The following SPECC1 variants were observed in gnomAD, a reference collection of about 807,000 sequenced individuals.
The protein encoded by SPECC1 is sperm antigen with calponin homology and coiled-coil domains 1.
Under a neutral mutation model 104.1 loss-of-function variants are expected in SPECC1, and 62 were observed. That is an observed-to-expected ratio of 0.60 (90% CI 0.49 to 0.74). The LOEUF (loss-of-function observed/expected upper bound fraction) is 0.74. Among genes scored for constraint, SPECC1 ranks in the 30% least tolerant of loss-of-function variants. The pLI, the probability that SPECC1 is intolerant of heterozygous loss-of-function variation, is 0.00. For synonymous variants in SPECC1, 513 were observed against 501.6 expected (o/e 1.02, Z -0.30); for missense variants, 1,306 against 1,310.5 (o/e 1.00, Z 0.05).
chr17:20,199,028 G>C (rs896273786), intron 3 of SPECC1, among the ~76,000 whole-genome samples: 21 of 144,450 alleles, frequency 1.5e-4, no homozygotes, highest in Admixed American at 3.5e-4. Context: ...CTTTTGCTTT[G>C]TTGCCTTCTA....
At chr17:20,172,355 C>T (rs1597877763) in intron 3 of SPECC1, among the ~76,000 whole-genome samples, 1 of 152,204 alleles carries the variant, frequency 6.6e-6, no homozygotes. Flanking sequence ...TCAGTTTACT[C>T]CTGTTATTTT....
intron 1 of SPECC1, among the ~76,000 whole-genome samples, chr17:20,053,279 T>C (rs1298703860): frequency 6.6e-6 from 1 of 152,238 alleles, no homozygotes; most frequent in Non-Finnish European, 1.5e-5. Context: ...AATTCTGTGA[T>C]CTTCCTCTAT....
In SPECC1 at chr17:20,302,881, A is replaced by T. The variant is rs1286949124; in HGVS notation, c.3058-3142A>T. On this transcript the variant is annotated intron_variant, in intron 13 of 14. Transcript: ENST00000395527. ...AGGCTGCAGTAGTGAGCCCATCTAA[A>T]AAAAAAAAAAAAAAAAAAAAAAGAG... Among the ~76,000 whole-genome samples the T allele has an allele frequency of 2.1e-5, 3 of 140,866 alleles. No individual in the cohort carries two copies. The East Asian group carries it at 6.3e-4, about 29-fold the overall frequency. 92.4% of individuals were successfully genotyped at this position (140,866 alleles called of 152,430 possible).
intron 7 of SPECC1, chr17:20,238,051 G>A: frequency 9.8e-7 from 1 of 1,022,878 alleles, no homozygotes; most frequent in Non-Finnish European, 1.2e-6. Flanking sequence ...CCCTTCTGTG[G>A]GGTCTTGATT....
chr17:20,219,939 T>C (rs1285234862), intron 4 of SPECC1, among the ~76,000 whole-genome samples: 4 of 152,220 alleles, frequency 2.6e-5, no homozygotes, highest in African/African-American at 9.6e-5. Context: ...AGACTGTCTT[T>C]TCCTCAATAT....
chr17:20,183,903 G>A (rs1248836552), intron 3 of SPECC1, among the ~76,000 whole-genome samples: 2 of 151,896 alleles, frequency 1.3e-5, no homozygotes, highest in African/African-American at 4.8e-5. Flanking sequence ...GGGCGTGGTG[G>A]CTCACGCTTA....
intron 14 of SPECC1, among the ~76,000 whole-genome samples, chr17:20,309,226 G>T (rs2041860104): frequency 6.6e-6 from 1 of 152,114 alleles, no homozygotes; most frequent in South Asian, 2.1e-4. Flanking sequence ...CCAGTATGTT[G>T]AATTACACAT....
chr17:20,063,489 A>C (rs977929645), intron 1 of SPECC1, among the ~76,000 whole-genome samples: 4 of 152,162 alleles, frequency 2.6e-5, no homozygotes, highest in African/African-American at 9.7e-5. Flanking sequence ...TCATTTTATT[A>C]ATCTTCAAGG....
chr17:20,169,267 A>G (rs2033902140), intron 3 of SPECC1, among the ~76,000 whole-genome samples: 1 of 152,190 alleles, frequency 6.6e-6, no homozygotes, highest in African/African-American at 2.4e-5. Context: ...GGAGCTATAA[A>G]CTATCTACTC....
intron 1 of SPECC1, among the ~76,000 whole-genome samples, chr17:20,053,431 T>C (rs944462729): frequency 6.6e-6 from 1 of 152,208 alleles, no homozygotes; most frequent in Non-Finnish European, 1.5e-5. Flanking sequence ...CCACAAATTC[T>C]TTGACACTTC....
intron 12 of SPECC1, among the ~76,000 whole-genome samples, chr17:20,269,926 C>T (rs1012745263): frequency 6.6e-6 from 1 of 152,132 alleles, no homozygotes; most frequent in African/African-American, 2.4e-5. Context: ...TTTATTGAGC[C>T]TTAAAAAGGA....
chr17:20,155,026 G>C (rs984201564), intron 3 of SPECC1, among the ~76,000 whole-genome samples: 3 of 152,186 alleles, frequency 2.0e-5, no homozygotes, highest in Admixed American at 6.5e-5. Flanking sequence ...AAATGAGTCT[G>C]GAGTTAGAAG....
intron 3 of SPECC1, among the ~76,000 whole-genome samples, chr17:20,135,370 A>G (rs2049863482): frequency 6.6e-6 from 1 of 152,196 alleles, no homozygotes; most frequent in Admixed American, 6.5e-5. Context: ...TCAATCCCAA[A>G]AGGCAGCCCC....
chr17:20,161,171 A>G (rs1029545048), intron 3 of SPECC1, among the ~76,000 whole-genome samples: 10 of 152,226 alleles, frequency 6.6e-5, no homozygotes, highest in African/African-American at 2.4e-4. Flanking sequence ...AGATCGCGCT[A>G]CTGCATTCCA....
intron 3 of SPECC1, among the ~76,000 whole-genome samples, chr17:20,193,565 C>T (rs570569341): frequency 3.9e-5 from 6 of 152,268 alleles, no homozygotes; most frequent in African/African-American, 7.2e-5. Flanking sequence ...TAGAGAGGAG[C>T]AGAGTCAGAA....
chr17:20,212,536 G>C (rs1014163652), intron 4 of SPECC1, among the ~76,000 whole-genome samples: 1 of 152,090 alleles, frequency 6.6e-6, no homozygotes, highest in East Asian at 1.9e-4. Context: ...ATCAGATCTC[G>C]TGAGACTTAT....
At chr17:20,191,508 A>G (rs748890644) in intron 3 of SPECC1, among the ~76,000 whole-genome samples, 2 of 92,702 alleles carry the variant, frequency 2.2e-5, no homozygotes, top group Non-Finnish European at 4.2e-5. Flanking sequence ...TTTTTTTTTA[A>G]TTATACTTTA....
chr17:20,188,654 A>G (rs1377350496), intron 3 of SPECC1, among the ~76,000 whole-genome samples: 1 of 152,174 alleles, frequency 6.6e-6, no homozygotes, highest in African/African-American at 2.4e-5. Flanking sequence ...TTATCTGTAA[A>G]ATAACAATAA....
intron 12 of SPECC1, among the ~76,000 whole-genome samples, chr17:20,266,441 G>A (rs1172240072): frequency 6.6e-6 from 1 of 152,162 alleles, no homozygotes; most frequent in Admixed American, 6.5e-5. Flanking sequence ...AAAATTAGCC[G>A]GGCGTGGTGG....
Sources: allele counts gnomAD v4.1 joint callset (sites outside exome capture counted in the v4.1 genomes callset), GRCh38; gene constraint gnomAD v4.1.1; transcripts MANE v1.5; gene names NCBI Gene and HGNC (gene_info 2026-07-23, HGNC 2026-07-21).